Variants in MTSS1 observed in about 807,000 individuals in gnomAD.
The protein encoded by MTSS1 is protein MTSS 1.
Under a neutral mutation model 79.0 loss-of-function variants are expected in MTSS1, and 18 were observed. The ratio of observed to expected loss-of-function variants is 0.23; its 90% CI spans 0.16 to 0.34. The LOEUF (loss-of-function observed/expected upper bound fraction) is 0.34. MTSS1 is among the 10% of genes least tolerant of loss of function. MTSS1 has a pLI of 1.00. For synonymous variants in MTSS1, 341 were observed against 368.6 expected (o/e 0.93, Z 0.86); for missense variants, 815 against 986.2 (o/e 0.83, Z 2.33).
At position 124,567,591 on chromosome 8, in the gene MTSS1, G is replaced by T. The variant is rs367865436; in HGVS notation, c.619-413C>A. 7.2e-6 allele frequency: 10 copies of T among 1,386,030 alleles called. No individual in the cohort carries two copies. In the South Asian group the frequency reaches 1.8e-4, roughly 25 times the overall value. 85.9% of individuals were successfully genotyped at this position (1,386,030 alleles called of 1,614,324 possible). A position where few individuals can be genotyped will look rare whatever the true frequency, so the allele number is the denominator to read the frequency against. On this transcript the variant is annotated intron_variant, in intron 7 of 13. Transcript: ENST00000518547. Reference sequence around the variant, plus strand: ...TATTTTGGTCCAGATCTTTGTGACAGTGCCTGTGTGTTCAACAGAAGCTAA... The same window carrying T: ...TATTTTGGTCCAGATCTTTGTGACATTGCCTGTGTGTTCAACAGAAGCTAA...
chr8:124,560,096 G>A (rs1381706821), intron 10 of MTSS1, among the ~76,000 whole-genome samples: 1 of 152,234 alleles, frequency 6.6e-6, no homozygotes, highest in Non-Finnish European at 1.5e-5. Flanking sequence ...GGACATCCCA[G>A]CTGCACTCTG....
In MTSS1 at chr8:124,727,719, C is replaced by A; in HGVS notation, c.72+165G>T. 1.5e-6 allele frequency: 1 copy of A among 682,418 alleles called. No homozygotes were observed. The highest frequency in any genetic ancestry group is 1.6e-5 in the South Asian group (1 of 62,112). 42.3% of individuals were successfully genotyped at this position (682,418 alleles called of 1,614,324 possible). A position where few individuals can be genotyped will look rare whatever the true frequency, so the allele number is the denominator to read the frequency against. On this transcript the variant is annotated intron_variant, in intron 1 of 13. Coordinates refer to ENST00000518547, the MANE Select transcript of MTSS1 (RefSeq NM_014751.6). This position sits in a 1 kb window ranked among gnomAD's most constrained non-coding sequence, Gnocchi z 4.7. Reference sequence around the variant, plus strand: ...CCCAGTGACCCCGCAGAGCCCGGAGCAGCGCCCCGGGTGAGCAGGTGACAC... The same window carrying A: ...CCCAGTGACCCCGCAGAGCCCGGAGAAGCGCCCCGGGTGAGCAGGTGACAC...
chr8:124,712,112 G>A (rs2135604729), intron 1 of MTSS1, among the ~76,000 whole-genome samples: 1 of 152,166 alleles, frequency 6.6e-6, no homozygotes, highest in South Asian at 2.1e-4. Flanking sequence ...GGCACTTGTG[G>A]TATGATTATG....
At chr8:124,560,659 C>T (rs562693555) in intron 10 of MTSS1, among the ~76,000 whole-genome samples, 139 of 152,104 alleles carry the variant, frequency 9.1e-4, no homozygotes, top group Middle Eastern at 6.8e-3. Context: ...TCAAAAAAAA[C>T]GAACAAAAAT....
intron 10 of MTSS1, chr8:124,558,131 T>A (rs1006817894): frequency 2.4e-5 from 10 of 411,022 alleles, no homozygotes; most frequent in Non-Finnish European, 3.9e-5. Flanking sequence ...TGGAAATTGA[T>A]CAGTGCCCTC....
intron 6 of MTSS1, among the ~76,000 whole-genome samples, chr8:124,581,075 G>A (rs1829953388): frequency 1.3e-5 from 2 of 152,220 alleles, no homozygotes; most frequent in Admixed American, 1.3e-4. Flanking sequence ...TGGCTTTGCA[G>A]CCTCTAGTGG....
In MTSS1 at chr8:124,556,244, C is replaced by A; in HGVS notation, c.1392G>T (p.Ser464=). 2 of 1,614,200 alleles carry A rather than the reference C, an allele frequency of 1.2e-6. No individual in the cohort carries two copies. The highest frequency in any genetic ancestry group is 1.7e-6 in the Non-Finnish European group (2 of 1,180,030). Residue 464 remains serine, a synonymous_variant, in exon 12 of 14, where the codon TCG becomes TCT. Coordinates refer to ENST00000518547, the MANE Select transcript of MTSS1 (RefSeq NM_014751.6). Reference sequence around the variant, plus strand: ...ACAAGAGCATCACCCTGGTGGCAGCCGATACAGTCATGCTCCGTGGTCTCT... The same window carrying A: ...ACAAGAGCATCACCCTGGTGGCAGCAGATACAGTCATGCTCCGTGGTCTCT... ...EAQRPRSMTV[S]AATRPGEEME... is the part of the protein sequence containing the mutation.
intron 3 of MTSS1, among the ~76,000 whole-genome samples, chr8:124,685,268 G>A (rs1826774231): frequency 6.6e-6 from 1 of 152,168 alleles, no homozygotes; most frequent in South Asian, 2.1e-4. Context: ...TGTCCAAACT[G>A]TCACTAAACT....
chr8:124,556,561 C>A (rs967197210), intron 11 of MTSS1, 156 bp from the exon 12 acceptor site: 25 of 795,092 alleles, frequency 3.1e-5, no homozygotes, highest in Admixed American at 2.1e-4. Context: ...CCTCTCCAGG[C>A]TCTAAAGGGC....
intron 3 of MTSS1, among the ~76,000 whole-genome samples, chr8:124,638,992 AG>A (rs1817532587): frequency 6.6e-6 from 1 of 152,212 alleles, no homozygotes; most frequent in Admixed American, 6.5e-5. Flanking sequence ...ACAACAAAAA[AG>A]TAATTTTATT....
At chr8:124,621,079 T>C (rs1026229366) in intron 3 of MTSS1, among the ~76,000 whole-genome samples, 1 of 152,108 alleles carries the variant, frequency 6.6e-6, no homozygotes, top group Non-Finnish European at 1.5e-5. Flanking sequence ...CAACTTCCAA[T>C]GACTCCTCTT....
intron 3 of MTSS1, among the ~76,000 whole-genome samples, chr8:124,616,251 A>G (rs1229850993): frequency 6.6e-6 from 1 of 151,910 alleles, no homozygotes; most frequent in Non-Finnish European, 1.5e-5. Context: ...AGGAGAGCCT[A>G]TGTTTATTTG....
chr8:124,714,377 G>A (rs1831608191), intron 1 of MTSS1, among the ~76,000 whole-genome samples: 1 of 152,214 alleles, frequency 6.6e-6, no homozygotes, highest in Admixed American at 6.5e-5. Context: ...TCAGGGAAGG[G>A]CTTGCCCTCA....
intron 1 of MTSS1, among the ~76,000 whole-genome samples, chr8:124,710,357 G>T (rs1273558015): frequency 6.6e-6 from 1 of 152,220 alleles, no homozygotes; most frequent in Non-Finnish European, 1.5e-5. Flanking sequence ...GGAAAATAAT[G>T]AAGTCATTTT....
Position 124,556,431 on chromosome 8 carries a change from G to T in MTSS1, c.1231-26C>A, listed in dbSNP as rs755705849. On this transcript the variant is annotated intron_variant, in intron 11 of 13. Coordinates refer to ENST00000518547, the MANE Select transcript of MTSS1 (RefSeq NM_014751.6). ...CTATGCAAAACAAGTGCGGTCAGGA[G>T]CCAGGGCCTCTGCCTCCACTGGAGG... 6 of 1,583,876 alleles carry T rather than the reference G, an allele frequency of 3.8e-6. No individual in the cohort carries two copies. In the East Asian group the frequency reaches 1.1e-4, roughly 30 times the overall value.
At chr8:124,640,119 C>A (rs983475848) in intron 3 of MTSS1, among the ~76,000 whole-genome samples, 1 of 152,208 alleles carries the variant, frequency 6.6e-6, no homozygotes, top group Non-Finnish European at 1.5e-5. Context: ...AACTGAATGT[C>A]TGGCCTCCCC....
chr8:124,624,571 G>A lies in MTSS1; in HGVS notation c.209-33336C>T, dbSNP rs1411851552. 3.3e-5 allele frequency among the ~76,000 whole-genome samples: 5 copies of A among 152,196 alleles called. No individual in the cohort carries two copies. The South Asian group carries it at 1.0e-3, about 32-fold the overall frequency. ...AGGATCCCAGGGCAGTCTGACACTTGAAGCCCAGGTACCTCCACCTGGGAG... is the reference window on the plus strand; with the variant it reads ...AGGATCCCAGGGCAGTCTGACACTTAAAGCCCAGGTACCTCCACCTGGGAG... On this transcript the variant is annotated intron_variant, in intron 3 of 13. Coordinates refer to ENST00000518547, the MANE Select transcript of MTSS1 (RefSeq NM_014751.6).
intron 3 of MTSS1, among the ~76,000 whole-genome samples, chr8:124,599,853 T>C (rs1353247747): frequency 6.6e-6 from 1 of 152,132 alleles, no homozygotes; most frequent in East Asian, 1.9e-4. Context: ...ATGGCTAATC[T>C]AGAGTCTTAG....
intron 3 of MTSS1, among the ~76,000 whole-genome samples, chr8:124,657,651 A>G (rs1340653462): frequency 6.6e-6 from 1 of 152,168 alleles, no homozygotes; most frequent in East Asian, 1.9e-4. Context: ...TACATCATGG[A>G]CAAGAGCACG....
Sources: allele counts gnomAD v4.1 joint callset (sites outside exome capture counted in the v4.1 genomes callset), GRCh38; gene constraint gnomAD v4.1.1; non-coding constraint Gnocchi (gnomAD v3.1); transcripts MANE v1.5; gene names NCBI Gene and HGNC (gene_info 2026-07-23, HGNC 2026-07-21).